The following HDAC9 variants were observed in gnomAD, a reference collection of about 807,000 sequenced individuals.
The protein encoded by HDAC9 is MEF-2 interacting transcription repressor (MITR) protein.
Under a neutral mutation model 139.4 loss-of-function variants are expected in HDAC9, and 41 were observed. That is an observed-to-expected ratio of 0.29 (90% CI 0.23 to 0.38). The LOEUF (loss-of-function observed/expected upper bound fraction) is 0.38. Among genes scored for constraint, HDAC9 ranks in the 10% least tolerant of loss-of-function variants. The pLI is 1.00. For synonymous variants in HDAC9, 517 were observed against 476.2 expected, an observed-to-expected ratio of 1.09 and a Z score of -1.12; for missense variants, 1,147 against 1,297.0, an observed-to-expected ratio of 0.88 and a Z score of 1.78.
intron 1 of HDAC9, among the ~76,000 whole-genome samples, chr7:18,154,829 A>G (rs1021056906): frequency 6.6e-6 from 1 of 152,226 alleles, no homozygotes; most frequent in Non-Finnish European, 1.5e-5. Flanking sequence ...GTGTTTGGCT[A>G]GCTGATCATA....
chr7:18,264,487 A>T (rs1795880712), intron 2 of HDAC9, among the ~76,000 whole-genome samples: 1 of 152,210 alleles, frequency 6.6e-6, no homozygotes. Flanking sequence ...AATTTAAAGA[A>T]TTTTTAGTCA....
intron 1 of HDAC9, among the ~76,000 whole-genome samples, chr7:18,141,701 C>G (rs1024965261): frequency 6.6e-6 from 1 of 151,968 alleles, no homozygotes; most frequent in East Asian, 1.9e-4. Context: ...TTTTTTTAAC[C>G]TCTTTTCATT....
chr7:18,495,515 C>G (rs1162727049), upstream of HDAC9, among the ~76,000 whole-genome samples: 1 of 152,012 alleles, frequency 6.6e-6, no homozygotes, highest in Admixed American at 6.6e-5. Context: ...GGTTTTAAGG[C>G]CCTGCGATAG....
At chr7:18,184,937 G>A (rs1789788050) in intron 2 of HDAC9, among the ~76,000 whole-genome samples, 1 of 152,160 alleles carries the variant, frequency 6.6e-6, no homozygotes, top group African/African-American at 2.4e-5. Flanking sequence ...TATCCTGCAT[G>A]TCCTATTTCT....
chr7:18,789,343 C>T (rs575772955), intron 16 of HDAC9, among the ~76,000 whole-genome samples: 13 of 151,944 alleles, frequency 8.6e-5, no homozygotes, highest in Non-Finnish European at 1.6e-4. Flanking sequence ...CCCTTTCTCT[C>T]TCTCACTGGG....
At chr7:18,462,630 TGTATATA>T (rs1793947623) in intron 1 of HDAC9, among the ~76,000 whole-genome samples, 1 of 152,064 alleles carries the variant, frequency 6.6e-6, no homozygotes, top group Admixed American at 6.6e-5. Context: ...ATCATGATAT[TGTATATA>T]TTCTTTTGTG....
chr7:18,798,161 C>G (rs898310580), intron 17 of HDAC9, among the ~76,000 whole-genome samples: 1 of 152,048 alleles, frequency 6.6e-6, no homozygotes, highest in Non-Finnish European at 1.5e-5. Flanking sequence ...AAGAGTAAAA[C>G]AGTCCGCTCC....
intron 13 of HDAC9, among the ~76,000 whole-genome samples, chr7:18,747,432 G>T (rs537938648): frequency 8.5e-5 from 13 of 152,302 alleles, no homozygotes; most frequent in South Asian, 4.1e-4. Flanking sequence ...ACACTGCTTT[G>T]GTTCTTTGGA....
chr7:18,908,361 C>T (rs550459047), intron 22 of HDAC9, among the ~76,000 whole-genome samples: 1 of 152,178 alleles, frequency 6.6e-6, no homozygotes, highest in East Asian at 1.9e-4. Flanking sequence ...ACATATCCAT[C>T]ACCTCAAGCG....
rs1463697934 is a variant in HDAC9, at chr7:18,273,012, TC to T, written c.25+110665del. 4.1e-5 allele frequency among the ~76,000 whole-genome samples: 6 copies of T among 145,496 alleles called. No individual in the cohort carries two copies. The East Asian group carries it at 5.9e-4, about 14-fold the overall frequency. ...CTCCTCCTCCTCTTCTTCTTCTTCTTCCTCCTCCTCCTCCTCTTCCTCTTCC... is the reference window on the plus strand; with the variant it reads ...CTCCTCCTCCTCTTCTTCTTCTTCTTCTCCTCCTCCTCCTCTTCCTCTTCC... On this transcript the variant is annotated intron_variant, in intron 2 of 12. Coordinates refer to the HDAC9 transcript ENST00000417496.
At chr7:18,931,474 G>A (rs112162831) in intron 22 of HDAC9, among the ~76,000 whole-genome samples, 4 of 152,028 alleles carry the variant, frequency 2.6e-5, no homozygotes, top group African/African-American at 7.2e-5. Context: ...ATTTTAAAAC[G>A]TGATAATTGT....
chr7:18,835,626 C>G (rs371776524), intron 20 of HDAC9, 40 bp downstream of exon 20: 2 of 1,612,416 alleles, frequency 1.2e-6, no homozygotes, highest in Non-Finnish European at 1.7e-6. Context: ...TTATTTGTAT[C>G]TTTCAGGTAA....
chr7:18,422,061 C>G (rs1789669458), intron 1 of HDAC9, among the ~76,000 whole-genome samples: 1 of 152,150 alleles, frequency 6.6e-6, no homozygotes. Context: ...TTCTATTCTA[C>G]TTTTACTCCA....
intron 2 of HDAC9, among the ~76,000 whole-genome samples, chr7:18,509,115 A>G (rs956137005): frequency 6.6e-6 from 1 of 152,230 alleles, no homozygotes; most frequent in African/African-American, 2.4e-5. Context: ...ATAGGGAACA[A>G]TGGTGGATAC....
At chr7:18,487,444 A>G (rs1488452862) in intron 1 of HDAC9, among the ~76,000 whole-genome samples, 1 of 152,064 alleles carries the variant, frequency 6.6e-6, no homozygotes, top group Non-Finnish European at 1.5e-5. Flanking sequence ...CTCCTAGGTC[A>G]GGTGGTTGTC....
At chr7:18,465,037 G>C (rs1298579391) in intron 1 of HDAC9, among the ~76,000 whole-genome samples, 1 of 152,000 alleles carries the variant, frequency 6.6e-6, no homozygotes, top group African/African-American at 2.4e-5. Context: ...TCTTTAGCTT[G>C]ATGTCTTTCA....
At chr7:18,873,418 T>A (rs1281922872) in intron 21 of HDAC9, among the ~76,000 whole-genome samples, 1 of 152,160 alleles carries the variant, frequency 6.6e-6, no homozygotes, top group East Asian at 1.9e-4. Flanking sequence ...TCTAGGTAAG[T>A]TTCAACTAAA....
intron 1 of HDAC9, among the ~76,000 whole-genome samples, chr7:18,128,909 C>G (rs981621932): frequency 2.0e-5 from 3 of 151,970 alleles, no homozygotes; most frequent in Admixed American, 1.3e-4. Context: ...CCTTTCTTGC[C>G]ACTCTAACAG....
intron 12 of HDAC9, among the ~76,000 whole-genome samples, chr7:18,725,794 T>C (rs1485822663): frequency 1.3e-5 from 2 of 152,176 alleles, no homozygotes; most frequent in East Asian, 3.9e-4. Context: ...AAGGACTATA[T>C]TAATCTTACT....
Sources: gnomAD v4.1 joint callset for allele counts (sites outside exome capture counted in the v4.1 genomes callset) on GRCh38, gnomAD v4.1.1 for gene constraint, MANE v1.5 for transcripts, NCBI Gene and HGNC (gene_info 2026-07-23, HGNC 2026-07-21) for gene names.